Variants in NTN4 observed in about 807,000 individuals in gnomAD.
NTN4 encodes the protein netrin 4, also known as netrin-4.
A neutral mutation model predicts 73.6 loss-of-function variants in NTN4; 32 were observed. The observed-to-expected ratio is 0.44, with a 90% CI of 0.33 to 0.58. The LOEUF is 0.58. NTN4 is among the 20% of genes least tolerant of loss of function. The probability of loss-of-function intolerance (pLI) is 0.04; values close to 1 mark genes in which losing one functional copy is unlikely to be tolerated. For synonymous variants in NTN4, 258 were observed against 287.5 expected (o/e 0.90, Z 1.04); for missense variants, 654 against 798.3 (o/e 0.82, Z 2.18).
intron 5 of NTN4, among the ~76,000 whole-genome samples, chr12:95,690,404 C>T (rs2431014): frequency 0.65 from 98,503 of 151,984 alleles, 32,192 homozygotes; most frequent in Admixed American, 0.7. Flanking sequence ...ATCTTTATAC[C>T]GGAGGAAAGT....
chr12:95,667,719 G>T (rs905580902), intron 8 of NTN4, among the ~76,000 whole-genome samples: 1 of 152,000 alleles, frequency 6.6e-6, no homozygotes, highest in Non-Finnish European at 1.5e-5. Flanking sequence ...ATTTAGCTGG[G>T]TGTGGTGGTG....
At chr12:95,695,296 A>G (rs1431525356) in intron 5 of NTN4, among the ~76,000 whole-genome samples, 2 of 152,164 alleles carry the variant, frequency 1.3e-5, no homozygotes, top group East Asian at 3.8e-4. Flanking sequence ...AATGTACAGT[A>G]TTTAAGTCTG....
chr12:95,678,349 TAAAAAAA>T (rs59083360), intron 7 of NTN4, among the ~76,000 whole-genome samples: 1 of 110,958 alleles, frequency 9.0e-6, no homozygotes, highest in Non-Finnish European at 1.9e-5. Context: ...GAACTTAAAG[TAAAAAAA>T]AAAAAAAAAA....
At chr12:95,744,450 A>G (rs1159654248) in intron 2 of NTN4, among the ~76,000 whole-genome samples, 2 of 152,166 alleles carry the variant, frequency 1.3e-5, no homozygotes, top group Non-Finnish European at 2.9e-5. Context: ...ATTTTGTCCA[A>G]TATTATAATC....
chr12:95,789,566 T>TGCCGAC lies in NTN4; in HGVS notation c.55+683_55+688dup, dbSNP rs1161061270. Reference sequence around the variant, plus strand: ...ATGGGAGTGGGAGGGAGAGGGCATCTGCCGACGCCGACGCCGGTTGTCCAG... The same window carrying TGCCGAC: ...ATGGGAGTGGGAGGGAGAGGGCATCTGCCGACGCCGACGCCGACGCCGGTTGTCCAG... On this transcript the variant is annotated intron_variant, in intron 1 of 9. Transcript: ENST00000343702. The surrounding 1 kb of genome is among the most constrained non-coding windows in gnomAD (Gnocchi z 4.0). 1.3e-5 allele frequency among the ~76,000 whole-genome samples: 2 copies of TGCCGAC among 152,144 alleles called. No individual in the cohort carries two copies. Among genetic ancestry groups the TGCCGAC allele is most frequent in the African/African-American group, 2.4e-5 (1 of 41,430 alleles).
At chr12:95,762,195 CTT>C (rs1338404847) in intron 2 of NTN4, among the ~76,000 whole-genome samples, 1 of 152,090 alleles carries the variant, frequency 6.6e-6, no homozygotes, top group Non-Finnish European at 1.5e-5. Flanking sequence ...ATTCAAGAGT[CTT>C]TATCAGGAGC....
At position 95,732,312 on chromosome 12, in the gene NTN4, A is replaced by G. The variant is rs868350585; in HGVS notation, c.864+5554T>C. Among the ~76,000 whole-genome samples the G allele has an allele frequency of 2.7e-5, 4 of 148,728 alleles. 1 individual carries two copies. In the South Asian group the frequency reaches 8.6e-4, roughly 32 times the overall value. ...CCTGATTTTACAGTCAAATTTAATA[A>G]CTTTATCGTTTTTAAAATCTCCTGT... On this transcript the variant is annotated intron_variant, in intron 3 of 9. Transcript: ENST00000343702.
intron 2 of NTN4, among the ~76,000 whole-genome samples, chr12:95,741,427 TTA>T (rs1174318245): frequency 0.062 from 3,129 of 50,712 alleles, 71 homozygotes; most frequent in East Asian, 0.084. Context: ...TATGTATAAA[TTA>T]TATATATATA....
chr12:95,679,981 C>G (rs538469219), intron 7 of NTN4, among the ~76,000 whole-genome samples: 36 of 152,280 alleles, frequency 2.4e-4, no homozygotes, highest in African/African-American at 8.7e-4. Context: ...GTATAGCTAG[C>G]CTTCTTACCT....
intron 3 of NTN4, among the ~76,000 whole-genome samples, chr12:95,732,396 CTTTTTTTT>C (rs35575824): frequency 3.5e-5 from 4 of 112,842 alleles, no homozygotes; most frequent in South Asian, 5.9e-4. Flanking sequence ...CTTTCTTCCT[CTTTTTTTT>C]TTTTTTTTTT....
chr12:95,661,805 G>A (rs1288524712), intron 9 of NTN4, among the ~76,000 whole-genome samples: 2 of 151,058 alleles, frequency 1.3e-5, no homozygotes, highest in East Asian at 3.9e-4. Context: ...CATCTGACCT[G>A]GTTTCCTCAA....
In NTN4 at chr12:95,713,285, G is replaced by A. The variant is rs775275803; in HGVS notation, c.918C>T (p.His306=). The change falls in exon 4 of 10, where the codon CAC becomes CAT. Residue 306 remains histidine, a synonymous_variant. Transcript: ENST00000343702. ...KHNTAGSHCQ[H]CAPLYNDRPW... is the part of the protein sequence containing the mutation. ...GCCGGTCATTGTATAACGGGGCACA[G>A]TGCTGGCAGTGGCTGCCTGCTGTGT... is the stretch of plus-strand genomic sequence containing the variant. 73 of 1,612,818 alleles carry A rather than the reference G, an allele frequency of 4.5e-5. No individual in the cohort carries two copies. Among genetic ancestry groups the A allele is most frequent in the Non-Finnish European group, 6.1e-5 (72 of 1,179,070 alleles).
rs556575585 is a variant in NTN4 at position 95,775,816 on chromosome 12, C to A, written c.585+11123G>T. On this transcript the variant is annotated intron_variant, in intron 2 of 9. Coordinates refer to ENST00000343702, the MANE Select transcript of NTN4 (RefSeq NM_021229.4). ...TGCAGACTTAAATGTCCCTGTCTGA[C>A]AGCTTTGAAGAGAGTAGTGGTTCTC... 2.7e-4 allele frequency among the ~76,000 whole-genome samples: 41 copies of A among 152,338 alleles called. 1 individual carries two copies. In the East Asian group the frequency reaches 7.5e-3, roughly 28 times the overall value.
intron 2 of NTN4, among the ~76,000 whole-genome samples, chr12:95,773,128 C>T (rs193240473): frequency 1.7e-4 from 26 of 152,172 alleles, no homozygotes; most frequent in South Asian, 1.7e-3. Context: ...CTCCGCCTCC[C>T]GAGTAGCTGG....
At position 95,658,009 on chromosome 12, in the gene NTN4, A is replaced by T. The variant is rs1480024708; in HGVS notation, c.*1077T>A. On this transcript the variant is annotated 3_prime_UTR_variant, in exon 10 of 10. Transcript: ENST00000343702. The stretch of plus-strand genomic sequence containing the variant: ...TGGTTATGCGTGGGTACAGAAGATG[A>T]ATAATAATGAAAAACTGTGATTTTT... 6.6e-6 allele frequency: 1 copy of T among 152,606 alleles called. No individual in the cohort carries two copies. Among genetic ancestry groups the T allele is most frequent in the Non-Finnish European group, 1.5e-5 (1 of 68,020 alleles). The allele number at this position is 152,606 out of a possible 1,614,324, so 9.5% of individuals were successfully genotyped here.
intron 2 of NTN4, 151 bp from the exon 3 acceptor site, chr12:95,738,295 CAG>C (rs1444880651): frequency 5.8e-6 from 4 of 689,874 alleles, no homozygotes; most frequent in Non-Finnish European, 9.8e-6. Context: ...ACACCTGGGA[CAG>C]AGCCGCCCTG....
chr12:95,663,581 G>A (rs2078155136), intron 9 of NTN4: 1 of 152,204 alleles, frequency 6.6e-6, no homozygotes, highest in Admixed American at 6.5e-5. Context: ...GAAGCAGGTT[G>A]GCGTGTAAGG....
intron 7 of NTN4, among the ~76,000 whole-genome samples, chr12:95,680,953 G>T (rs1036446491): frequency 6.6e-6 from 1 of 152,086 alleles, no homozygotes; most frequent in Non-Finnish European, 1.5e-5. Context: ...ACTATGGGAG[G>T]CCGAGGTGGG....
intron 5 of NTN4, among the ~76,000 whole-genome samples, chr12:95,690,654 C>T (rs1215133666): frequency 6.6e-6 from 1 of 151,066 alleles, no homozygotes; most frequent in East Asian, 1.9e-4. Context: ...TATCAAAATG[C>T]TATATTCAAA....
Sources: allele counts gnomAD v4.1 joint callset (sites outside exome capture counted in the v4.1 genomes callset), GRCh38; gene constraint gnomAD v4.1.1; non-coding constraint Gnocchi (gnomAD v3.1); transcripts MANE v1.5; gene names NCBI Gene and HGNC (gene_info 2026-07-23, HGNC 2026-07-21).